RANBP2: variants seen among roughly 807,000 people sequenced by gnomAD.
RANBP2 encodes E3 SUMO-protein ligase RanBP2.
In RANBP2, 57 loss-of-function variants were observed where a neutral mutation model predicts 303.6. That is an observed-to-expected ratio of 0.19 (90% CI 0.15 to 0.23). The LOEUF (loss-of-function observed/expected upper bound fraction) is 0.23, where lower values mean the gene tolerates loss of function less well. Among genes scored for constraint, RANBP2 ranks in the 10% least tolerant of loss-of-function variants. The probability of loss-of-function intolerance (pLI) is 1.00; values close to 1 mark genes in which losing one functional copy is unlikely to be tolerated. For synonymous variants in RANBP2, 1,167 were observed against 1,301.5 expected, an observed-to-expected ratio of 0.90 and a Z score of 2.23; for missense variants, 3,138 against 3,780.8, an observed-to-expected ratio of 0.83 and a Z score of 4.46.
chr2:108,887,614 G>GTATTT, the RANBP2 span, among the ~76,000 whole-genome samples: 1 of 151,856 alleles, frequency 6.6e-6, no homozygotes, highest in Admixed American at 6.6e-5. Flanking sequence ...TTATTCCTAG[G>GTATTT]TATTTTATTT....
At chr2:109,209,434 T>G in the RANBP2 span, among the ~76,000 whole-genome samples, 1 of 152,196 alleles carries the variant, frequency 6.6e-6, no homozygotes, top group Non-Finnish European at 1.5e-5. Context: ...CCTGGCCGAT[T>G]CCAAGCTGCT....
chr2:109,640,184 G>T, the RANBP2 span, among the ~76,000 whole-genome samples: 2 of 151,584 alleles, frequency 1.3e-5, no homozygotes, highest in Non-Finnish European at 2.9e-5. Flanking sequence ...CCAGCACAGT[G>T]GCTCATGCCT....
chr2:109,770,027 C>T, the RANBP2 span, among the ~76,000 whole-genome samples: 2 of 108,204 alleles, frequency 1.8e-5, 1 homozygote, highest in Non-Finnish European at 3.6e-5. Flanking sequence ...ATAAATAGTA[C>T]AAATAACAGG....
the RANBP2 span, chr2:109,593,180 T>A: frequency 1.8e-6 from 2 of 1,089,822 alleles, no homozygotes; most frequent in East Asian, 5.0e-5. Flanking sequence ...AACCCCATTA[T>A]CTGAATAATA....
chr2:108,857,842 G>A, the RANBP2 span, among the ~76,000 whole-genome samples: 1 of 152,158 alleles, frequency 6.6e-6, no homozygotes, highest in Non-Finnish European at 1.5e-5. Context: ...CATACCAGAT[G>A]CAAATGTGTA....
At chr2:108,966,540 A>G in the RANBP2 span, among the ~76,000 whole-genome samples, 3 of 152,352 alleles carry the variant, frequency 2.0e-5, no homozygotes, top group South Asian at 6.2e-4. Context: ...TTCAACCTGA[A>G]GACTATGAGG....
chr2:108,863,998 CAG>C, the RANBP2 span, among the ~76,000 whole-genome samples: 1 of 152,268 alleles, frequency 6.6e-6, no homozygotes, highest in African/African-American at 2.4e-5. Context: ...ACACTGTTAA[CAG>C]AATCTCTGTT....
the RANBP2 span, among the ~76,000 whole-genome samples, chr2:109,077,406 A>G: frequency 2.7e-5 from 4 of 150,514 alleles, 1 homozygote; most frequent in Non-Finnish European, 4.5e-5. Context: ...CTTGGCAATG[A>G]TTTTTTTGGA....
the RANBP2 span, chr2:108,884,409 G>C: frequency 6.6e-6 from 1 of 152,220 alleles, no homozygotes; most frequent in Admixed American, 6.5e-5. Flanking sequence ...TGCATAGCCT[G>C]ACTGGAAGTG....
the RANBP2 span, among the ~76,000 whole-genome samples, chr2:109,299,189 C>T: frequency 2.0e-5 from 3 of 152,354 alleles, no homozygotes; most frequent in Non-Finnish European, 2.9e-5. Flanking sequence ...TCTGACCACT[C>T]CAGTTAAAAC....
At chr2:108,917,644 A>AG in the RANBP2 span, among the ~76,000 whole-genome samples, 4 of 152,090 alleles carry the variant, frequency 2.6e-5, no homozygotes, top group Admixed American at 1.3e-4. Context: ...TGCTAAGACT[A>AG]GAGGGGGGTC....
At chr2:108,989,718 C>T in the RANBP2 span, among the ~76,000 whole-genome samples, 1 of 152,106 alleles carries the variant, frequency 6.6e-6, no homozygotes, top group African/African-American at 2.4e-5. Context: ...ACACACCCCC[C>T]GTATAACTAG....
the RANBP2 span, among the ~76,000 whole-genome samples, chr2:109,304,368 G>A: frequency 0.32 from 48,233 of 151,948 alleles, 9,612 homozygotes; most frequent in African/African-American, 0.57. Context: ...GGCTTATTTC[G>A]TTTAACATAA....
chr2:109,211,019 C>T, the RANBP2 span, among the ~76,000 whole-genome samples: 6,243 of 152,220 alleles, frequency 0.041, 388 homozygotes, highest in East Asian at 0.31. Flanking sequence ...TCCTGGCACA[C>T]GGGTTGATGA....
the RANBP2 span, among the ~76,000 whole-genome samples, chr2:108,886,647 C>T: frequency 6.6e-6 from 1 of 152,244 alleles, no homozygotes; most frequent in Middle Eastern, 3.4e-3. Flanking sequence ...CTCCTGACCT[C>T]ATGGTCCATC....
chr2:109,425,534 C>T, the RANBP2 span, among the ~76,000 whole-genome samples: 3 of 152,174 alleles, frequency 2.0e-5, no homozygotes, highest in Admixed American at 2.0e-4. Context: ...TAAGTGAAGC[C>T]AGTGTTCATT....
the RANBP2 span, among the ~76,000 whole-genome samples, chr2:109,581,657 A>G: frequency 6.6e-6 from 1 of 152,160 alleles, no homozygotes; most frequent in South Asian, 2.1e-4. Flanking sequence ...TCGTATTTAT[A>G]TACTGCTTCA....
the RANBP2 span, among the ~76,000 whole-genome samples, chr2:108,899,753 A>G: frequency 1.3e-5 from 2 of 152,210 alleles, no homozygotes; most frequent in Non-Finnish European, 2.9e-5. Flanking sequence ...CGGGAGGCCA[A>G]GGTGGGCAGA....
At chr2:109,369,329 C>T in the RANBP2 span, among the ~76,000 whole-genome samples, 2 of 152,052 alleles carry the variant, frequency 1.3e-5, no homozygotes, top group Non-Finnish European at 2.9e-5. Flanking sequence ...AGTCTGGCGA[C>T]AGCACAAGAC....
Sources: gnomAD v4.1 joint callset for allele counts (sites outside exome capture counted in the v4.1 genomes callset) on GRCh38, gnomAD v4.1.1 for gene constraint, MANE v1.5 for transcripts, NCBI Gene and HGNC (gene_info 2026-07-23, HGNC 2026-07-21) for gene names.